The following BRF1 variants were observed in gnomAD, a reference collection of about 807,000 sequenced individuals.
BRF1 encodes the protein transcription factor IIIB 90 kDa subunit.
BRF1 carries 59 observed loss-of-function variants against 81.7 expected under a neutral mutation model. That is an observed-to-expected ratio of 0.72 (90% CI 0.59 to 0.90). BRF1 has a LOEUF of 0.90. Among genes scored for constraint, BRF1 ranks in the 40% least tolerant of loss-of-function variants. BRF1 has a pLI of 0.00. For synonymous variants in BRF1, 491 were observed against 395.6 expected, an observed-to-expected ratio of 1.24 and a Z score of -2.86; for missense variants, 1,050 against 936.3, an observed-to-expected ratio of 1.12 and a Z score of -1.58.
chr14:105,244,282 A>G (rs1466780420), intron 5 of BRF1, among the ~76,000 whole-genome samples: 1 of 151,974 alleles, frequency 6.6e-6, no homozygotes, highest in Admixed American at 6.6e-5. Context: ...CATCTTTACA[A>G]AAAATGAAAA....
intron 3 of BRF1, among the ~76,000 whole-genome samples, chr14:105,270,484 A>C (rs1039817575): frequency 6.6e-6 from 1 of 151,682 alleles, no homozygotes; most frequent in Non-Finnish European, 1.5e-5. Flanking sequence ...CCAAATTTCA[A>C]AATGTTAAAA....
chr14:105,220,724 G>A (rs971712024), intron 11 of BRF1, among the ~76,000 whole-genome samples: 4 of 152,178 alleles, frequency 2.6e-5, no homozygotes, highest in African/African-American at 4.8e-5. Context: ...ACAGCCCCAC[G>A]CCATAGCTGC....
chr14:105,307,867 T>G lies in BRF1; in HGVS notation c.-162+7455A>C, dbSNP rs141859169. ...CAACTCGAGTGAGACTTGGTGAGGC[T>G]CCAGTCCACCTTCCACCACAGAAGT... On this transcript the variant is annotated intron_variant, in intron 1 of 17. Coordinates refer to the BRF1 transcript ENST00000327359. Among the ~76,000 whole-genome samples the G allele has an allele frequency of 4.5e-3, 690 of 152,234 alleles. 9 individuals are homozygous for G. Among genetic ancestry groups the G allele is most frequent in the African/African-American group, 0.015 (634 of 41,554 alleles).
At chr14:105,215,606 TAC>T (rs1891019587) in intron 15 of BRF1, among the ~76,000 whole-genome samples, 1 of 127,754 alleles carries the variant, frequency 7.8e-6, no homozygotes. Flanking sequence ...ACACACTGCA[TAC>T]ACAGAAACAG....
Position 105,299,090 on chromosome 14 carries a change from G to A in BRF1, c.184+1356C>T, listed in dbSNP as rs192462037. On this transcript the variant is annotated intron_variant, in intron 1 of 17. Transcript: ENST00000547530. ...CGGGAGGCTGAGGCAGGAGAATGGC[G>A]TGAGCCTGGGAGGCAGAGCTTGCAG... 9.1e-4 allele frequency among the ~76,000 whole-genome samples: 132 copies of A among 145,674 alleles called. 2 individuals carry two copies. The Middle Eastern group carries it at 0.022, about 24-fold the overall frequency.
At chr14:105,300,413 G>C (rs750067466) in intron 1 of BRF1, 33 bp downstream of exon 1, 22 of 1,500,674 alleles carry the variant, frequency 1.5e-5, no homozygotes, top group Middle Eastern at 2.3e-4. Context: ...GCCGCACCGA[G>C]AAATCCGCGC....
chr14:105,292,548 C>A (rs587637518), intron 1 of BRF1, among the ~76,000 whole-genome samples: 2 of 152,262 alleles, frequency 1.3e-5, no homozygotes, highest in East Asian at 3.9e-4. Context: ...CTGTAGGAGG[C>A]CTGGCTGGCT....
At chr14:105,305,416 CAAGAAAA>C (rs1487917040), upstream of BRF1, among the ~76,000 whole-genome samples, 1 of 150,988 alleles carries the variant, frequency 6.6e-6, no homozygotes, top group Non-Finnish European at 1.5e-5. Context: ...AAAAAAGAAA[CAAGAAAA>C]AAGAAAAAAC....
At chr14:105,228,686 G>C in intron 7 of BRF1, 134 bp downstream of exon 7, 1 of 958,460 alleles carries the variant, frequency 1.0e-6, no homozygotes, top group East Asian at 2.4e-5. Flanking sequence ...GACCGGGGCT[G>C]GGCTAGGTCC....
At chr14:105,212,198 C>G in intron 15 of BRF1, 34 bp from the exon 16 acceptor site, 1 of 1,602,232 alleles carries the variant, frequency 6.2e-7, no homozygotes, top group East Asian at 2.3e-5. Flanking sequence ...CGGCCTCAGC[C>G]CAGGCTCCCG....
In BRF1 at chr14:105,209,548, G is replaced by A. The variant is rs879012851; in HGVS notation, c.*1003C>T. 2.4e-5 allele frequency: 17 copies of A among 702,448 alleles called. No homozygotes were observed. Among genetic ancestry groups the A allele is most frequent in the South Asian group, 1.2e-4 (8 of 67,596 alleles). The allele number at this position is 702,448 out of a possible 1,614,324, so 43.5% of individuals were successfully genotyped here. A position where few individuals can be genotyped will look rare whatever the true frequency, so the allele number is the denominator to read the frequency against. Reference sequence around the variant, plus strand: ...GGGTGAAGCCCCCTCGGCCACATCCGGGGCAGCCATGCCAGAGCTGAGACC... The same window carrying A: ...GGGTGAAGCCCCCTCGGCCACATCCAGGGCAGCCATGCCAGAGCTGAGACC... On this transcript the variant is annotated 3_prime_UTR_variant, in exon 18 of 18. Coordinates refer to ENST00000547530, the MANE Select transcript of BRF1 (RefSeq NM_001519.4).
chr14:105,272,994 T>C, intron 2 of BRF1, 100 bp from the exon 3 acceptor site: 1 of 1,335,244 alleles, frequency 7.5e-7, no homozygotes, highest in Non-Finnish European at 9.9e-7. Flanking sequence ...AGATTTGTGC[T>C]TTTCCTTGTA....
At position 105,226,731 on chromosome 14, in the gene BRF1, CTG is replaced by C; in HGVS notation, c.816_817del (p.Gln274ValfsTer4). The C allele has an allele frequency of 6.2e-7, 1 of 1,613,746 alleles. No individual in the cohort carries two copies. Among genetic ancestry groups the C allele is most frequent in the East Asian group, 2.2e-5 (1 of 44,886 alleles). On this transcript the variant is annotated frameshift_variant, in exon 8 of 18. Transcript: ENST00000547530. LOFTEE classifies it high-confidence loss of function. ...CATGAACTCATCAATGGTCAACTGA[CTG>C]GTGGGGGTGTCTTCAAATTCCGTGA... is the stretch of plus-strand genomic sequence containing the variant.
chr14:105,300,101 T>G (rs1342920543), intron 1 of BRF1, among the ~76,000 whole-genome samples: 1 of 152,188 alleles, frequency 6.6e-6, no homozygotes, highest in Non-Finnish European at 1.5e-5. Flanking sequence ...GGATTCTAAG[T>G]ACCAGACATT....
chr14:105,308,262 G>C (rs769476830), intron 1 of BRF1, among the ~76,000 whole-genome samples: 19 of 152,066 alleles, frequency 1.2e-4, no homozygotes, highest in Non-Finnish European at 2.2e-4. Context: ...TGAGAGGATT[G>C]ATTGAGCCCA....
intron 6 of BRF1, among the ~76,000 whole-genome samples, chr14:105,229,448 T>A (rs1054527814): frequency 1.3e-5 from 2 of 152,228 alleles, no homozygotes; most frequent in African/African-American, 4.8e-5. Flanking sequence ...GAGTGGACTC[T>A]GTGGGCACGA....
At chr14:105,296,095 A>C (rs1279953210) in intron 1 of BRF1, among the ~76,000 whole-genome samples, 1 of 151,212 alleles carries the variant, frequency 6.6e-6, no homozygotes, top group Non-Finnish European at 1.5e-5. Context: ...AAAAAAAAAA[A>C]AAAAAAACTC....
rs587768779 is a variant in BRF1 at position 105,283,677 on chromosome 14, C to T, written c.265+2619G>A. On this transcript the variant is annotated intron_variant, in intron 2 of 17. Transcript: ENST00000547530. ...TGGTTTCCAATCCTATTGCAATGCACGCGTCTGCACCGACACTACTCTTTG... is the reference window on the plus strand; with the variant it reads ...TGGTTTCCAATCCTATTGCAATGCATGCGTCTGCACCGACACTACTCTTTG... 6.6e-5 allele frequency among the ~76,000 whole-genome samples: 10 copies of T among 152,344 alleles called. 1 individual carries two copies. In the South Asian group the frequency reaches 1.7e-3, roughly 25 times the overall value.
intron 3 of BRF1, among the ~76,000 whole-genome samples, chr14:105,259,111 C>T (rs2056032703): frequency 6.6e-6 from 1 of 152,044 alleles, no homozygotes; most frequent in African/African-American, 2.4e-5. Context: ...CACCTCTGAC[C>T]CACCTATTCC....
Sources: allele counts gnomAD v4.1 joint callset (sites outside exome capture counted in the v4.1 genomes callset), GRCh38; gene constraint gnomAD v4.1.1; transcripts MANE v1.5; gene names NCBI Gene and HGNC (gene_info 2026-07-23, HGNC 2026-07-21).